SLC40A1: variants seen among roughly 807,000 people sequenced by gnomAD.
The protein encoded by SLC40A1 is ferroportin.
SLC40A1 carries 16 observed loss-of-function variants against 53.5 expected under a neutral mutation model. The observed-to-expected ratio is 0.30, with a 90% confidence interval of 0.20 to 0.45. The LOEUF is 0.45. SLC40A1 is among the 20% of genes least tolerant of loss of function. SLC40A1 has a pLI of 1.00. For missense variants in SLC40A1, 545 were observed against 695.4 expected, an observed-to-expected ratio of 0.78 and a Z score of 2.43; for synonymous variants, 247 against 253.2, an observed-to-expected ratio of 0.98 and a Z score of 0.23.
At chr2:189,570,041 TATAC>T (rs1265853861) in intron 5 of SLC40A1, among the ~76,000 whole-genome samples, 80 of 138,276 alleles carry the variant, frequency 5.8e-4, no homozygotes, top group Middle Eastern at 3.9e-3. Flanking sequence ...TGTATATATA[TATAC>T]ACACACCTAT....
At position 189,580,443 on chromosome 2, in the gene SLC40A1, A is replaced by G; in HGVS notation, c.18T>C (p.Asp6=). The change falls in exon 1 of 8, where the codon GAT becomes GAC. Residue 6 remains aspartate (D), a synonymous_variant. Transcript: ENST00000261024. ...CACAGCATCCTCTCTGGCGGTTGTG[A>G]TCTCCCGCCCTGGTCATGACACTAG... MTRAG[D]HNRQRGCCGS... 6.2e-7 allele frequency: 1 copy of G among 1,613,610 alleles called. No individual in the cohort carries two copies. Among genetic ancestry groups the G allele is most frequent in the Non-Finnish European group, 8.5e-7 (1 of 1,179,974 alleles).
At chr2:189,564,347 AAT>A in intron 6 of SLC40A1, 122 bp from the exon 7 acceptor site, 2 of 737,054 alleles carry the variant, frequency 2.7e-6, no homozygotes, top group Non-Finnish European at 4.5e-6. Context: ...TAGACATTGT[AAT>A]ATGTATTTTC....
Position 189,580,767 on chromosome 2 carries a change from T to TC in SLC40A1, c.-308dup, listed in dbSNP as rs1553495723. 2 of 1,081,770 alleles carry TC rather than the reference T, an allele frequency of 1.8e-6. No homozygotes were observed. Among genetic ancestry groups the TC allele is most frequent in the South Asian group, 3.4e-5 (2 of 58,634 alleles). The allele number at this position is 1,081,770 out of a possible 1,614,324, so 67.0% of individuals were successfully genotyped here. ...CCTAGCGGACGCCCTGAGCCAGCTC[T>TC]CTCCGCCGCCGCCGCCGCCGCCGTG... On this transcript the variant is annotated 5_prime_UTR_variant, in exon 1 of 8. Transcript: ENST00000261024.
chr2:189,580,379 C>G lies in SLC40A1; in HGVS notation c.43+39G>C, dbSNP rs767211647. On this transcript the variant is annotated intron_variant, in intron 1 of 7. Coordinates refer to ENST00000261024, the MANE Select transcript of SLC40A1 (RefSeq NM_014585.6). ...GAGTTGCTTGTCTCCAAAGCCCCACCTGGGTTTCCACCATATGCTTTCGGT... is the reference window on the plus strand; with the variant it reads ...GAGTTGCTTGTCTCCAAAGCCCCACGTGGGTTTCCACCATATGCTTTCGGT... The G allele has an allele frequency of 1.9e-6, 3 of 1,609,664 alleles. No individual in the cohort carries two copies. The African/African-American group carries it at 4.0e-5, about 21-fold the overall frequency.
rs2030824771 is a variant in SLC40A1 at position 189,563,580 on chromosome 2, T to C, written c.1402+4A>G. On this transcript the variant is annotated splice_donor_region_variant and intron_variant, in intron 7 of 7. Coordinates refer to ENST00000261024, the MANE Select transcript of SLC40A1 (RefSeq NM_014585.6). ...TCATTAATATATAAAAAGAGATTTC[T>C]TACCGATTCTAGCAGCAATGACGCC... 3.1e-6 allele frequency: 5 copies of C among 1,612,798 alleles called. No individual in the cohort carries two copies. The highest frequency in any genetic ancestry group is 1.3e-5 in the African/African-American group (1 of 74,808).
At chr2:189,576,516 T>C (rs2031289878) in intron 2 of SLC40A1, among the ~76,000 whole-genome samples, 2 of 152,230 alleles carry the variant, frequency 1.3e-5, no homozygotes, top group African/African-American at 4.8e-5. Flanking sequence ...ATGACTTTGC[T>C]TCTCCTACCC....
At chr2:189,565,972 T>C (rs758913240) in intron 5 of SLC40A1, among the ~76,000 whole-genome samples, 23 of 152,172 alleles carry the variant, frequency 1.5e-4, no homozygotes, top group Non-Finnish European at 3.1e-4. Context: ...TTCCCTGTCT[T>C]CACAGAGTTT....
chr2:189,579,912 G>T (rs751186520), intron 1 of SLC40A1, 32 bp from the exon 2 acceptor site: 11 of 1,603,370 alleles, frequency 6.9e-6, no homozygotes, highest in Non-Finnish European at 8.5e-6. Context: ...GACAAAAAGC[G>T]ATGGTAGTCA....
In SLC40A1 at chr2:189,563,915, A is replaced by G; in HGVS notation, c.1071T>C (p.Thr357=). Reference sequence around the variant, plus strand: ...TTCGACGTAGCCAAGTAAAAGCTACAGTTCCCATTATTCCAGTTATAGCTG... The same window carrying G: ...TTCGACGTAGCCAAGTAAAAGCTACGGTTCCCATTATTCCAGTTATAGCTG... The part of the protein sequence containing the change: ...GASAITGIMG[T]VAFTWLRRKC... Residue 357 remains threonine (T), a synonymous_variant, in exon 7 of 8, where the codon ACT becomes ACC. Coordinates refer to ENST00000261024, the MANE Select transcript of SLC40A1 (RefSeq NM_014585.6). 3 of 1,614,106 alleles carry G rather than the reference A, an allele frequency of 1.9e-6. No individual in the cohort carries two copies. The highest frequency in any genetic ancestry group is 2.2e-5 in the East Asian group (1 of 44,902).
At chr2:189,571,878 A>T in intron 4 of SLC40A1, 37 bp from the exon 5 acceptor site, 1 of 1,309,396 alleles carries the variant, frequency 7.6e-7, no homozygotes, top group Non-Finnish European at 1.1e-6. Flanking sequence ...TTATAATGTC[A>T]GTTTACCACA....
intron 5 of SLC40A1, among the ~76,000 whole-genome samples, chr2:189,566,470 C>A (rs914145390): frequency 1.3e-5 from 2 of 152,002 alleles, no homozygotes; most frequent in African/African-American, 2.4e-5. Flanking sequence ...AAAAGAAGAA[C>A]AAAGAAATAG....
chr2:189,571,197 G>A (rs2031113843), intron 5 of SLC40A1, among the ~76,000 whole-genome samples: 2 of 151,886 alleles, frequency 1.3e-5, no homozygotes, highest in Admixed American at 6.6e-5. Context: ...CTATTTCTTT[G>A]GTATTTGTAA....
At chr2:189,575,113 G>C (rs779612066) in intron 3 of SLC40A1, 48 bp downstream of exon 3, 11 of 1,597,574 alleles carry the variant, frequency 6.9e-6, no homozygotes, top group Non-Finnish European at 9.4e-6. Flanking sequence ...AGGTAGCTCA[G>C]GCATTGGTCC....
chr2:189,563,095 C>A (rs2030807067), intron 7 of SLC40A1, among the ~76,000 whole-genome samples: 1 of 151,486 alleles, frequency 6.6e-6, no homozygotes, highest in East Asian at 1.9e-4. Flanking sequence ...GGCAACATGG[C>A]AAAACCCCAT....
At chr2:189,562,768 T>G (rs1199839850) in intron 7 of SLC40A1, among the ~76,000 whole-genome samples, 1 of 152,194 alleles carries the variant, frequency 6.6e-6, no homozygotes, top group Non-Finnish European at 1.5e-5. Context: ...AATTTTGCTT[T>G]GTAAGAAGTC....
Position 189,562,024 on chromosome 2 carries a change from C to T in SLC40A1, c.1570G>A (p.Val524Ile), listed in dbSNP as rs142456282. The T allele has an allele frequency of 2.0e-4, 327 of 1,613,902 alleles. No individual in the cohort carries two copies. Among genetic ancestry groups the T allele is most frequent in the Non-Finnish European group, 2.5e-4 (292 of 1,179,984 alleles). Residue 524 changes from valine (V) to isoleucine (I), a missense_variant, in exon 8 of 8, where the codon GTA (valine) becomes ATA (isoleucine). Physicochemically the swap from Val to Ile is conservative, Grantham distance 29. Transcript: ENST00000261024. ...GCCACAAAGGAGACTGAAATCAATA[C>T]GAGCAAGCCAAAAGCTTCAGGATTT... ...APNPEAFGLL[V>I]LISVSFVAMG...
At chr2:189,567,749 T>G (rs2030981828) in intron 5 of SLC40A1, among the ~76,000 whole-genome samples, 1 of 152,198 alleles carries the variant, frequency 6.6e-6, no homozygotes, top group Non-Finnish European at 1.5e-5. Flanking sequence ...ATTGCATATA[T>G]GATAACAGGA....
At chr2:189,579,696 A>G in intron 2 of SLC40A1, 117 bp downstream of exon 2, 1 of 889,934 alleles carries the variant, frequency 1.1e-6, no homozygotes, top group South Asian at 1.3e-5. Flanking sequence ...GTGTACTTGG[A>G]TGATTTATTT....
chr2:189,561,797 C>T lies in SLC40A1; in HGVS notation c.*81G>A, dbSNP rs2030747277. ...GTAAAAACAGAGCAAAACACCCAGCCATTTATTGGAATTCTGCAGTACAAA... is the reference window on the plus strand; with the variant it reads ...GTAAAAACAGAGCAAAACACCCAGCTATTTATTGGAATTCTGCAGTACAAA... On this transcript the variant is annotated 3_prime_UTR_variant, in exon 8 of 8. Transcript: ENST00000261024. The T allele has an allele frequency of 7.3e-6, 9 of 1,231,756 alleles. No individual in the cohort carries two copies. Among genetic ancestry groups the T allele is most frequent in the Non-Finnish European group, 1.1e-5 (9 of 842,332 alleles). The allele number at this position is 1,231,756 out of a possible 1,614,324, so 76.3% of individuals were successfully genotyped here.
Sources: allele counts gnomAD v4.1 joint callset (sites outside exome capture counted in the v4.1 genomes callset), GRCh38; gene constraint gnomAD v4.1.1; transcripts MANE v1.5; gene names NCBI Gene and HGNC (gene_info 2026-07-23, HGNC 2026-07-21).